EYS: variants seen among roughly 807,000 people sequenced by gnomAD.
EYS encodes EGF-like photoreceptor maintenance factor, also known as protein eyes shut homolog.
EYS carries 250 observed loss-of-function variants against 282.1 expected under a neutral mutation model. The ratio of observed to expected loss-of-function variants is 0.89; its 90% CI spans 0.80 to 0.98. The LOEUF (loss-of-function observed/expected upper bound fraction) is 0.98. Among genes scored for constraint, EYS ranks in the 50% least tolerant of loss-of-function variants. The pLI is 0.00. For missense variants in EYS, 4,016 were observed against 3,709.0 expected, an observed-to-expected ratio of 1.08 and a Z score of -2.15; for synonymous variants, 1,355 against 1,282.9, an observed-to-expected ratio of 1.06 and a Z score of -1.20.
At chr6:64,647,680 A>G (rs1768404352) in intron 22 of EYS, among the ~76,000 whole-genome samples, 1 of 152,208 alleles carries the variant, frequency 6.6e-6, no homozygotes, top group Admixed American at 6.5e-5. Flanking sequence ...TCAGAAAATT[A>G]CATGATAAAT....
At chr6:65,382,825 G>A (rs1030163268) in intron 8 of EYS, among the ~76,000 whole-genome samples, 1 of 151,834 alleles carries the variant, frequency 6.6e-6, no homozygotes, top group Non-Finnish European at 1.5e-5. Context: ...TGATTAGATG[G>A]TGCCCACCTA....
intron 12 of EYS, among the ~76,000 whole-genome samples, chr6:65,248,561 C>G (rs542860106): frequency 6.6e-6 from 1 of 151,980 alleles, no homozygotes; most frequent in South Asian, 2.1e-4. Context: ...TCTGGTTACC[C>G]TATGTAGCAA....
chr6:63,863,618 C>T (rs928011573), intron 36 of EYS, among the ~76,000 whole-genome samples: 1 of 150,842 alleles, frequency 6.6e-6, no homozygotes, highest in East Asian at 1.9e-4. Flanking sequence ...ACTCTAACCT[C>T]AGGGAAAACT....
At chr6:64,319,633 G>A (rs1770127878) in intron 29 of EYS, among the ~76,000 whole-genome samples, 1 of 151,852 alleles carries the variant, frequency 6.6e-6, no homozygotes, top group South Asian at 2.1e-4. Context: ...CTGAAGATAT[G>A]TGTGTGCATG....
intron 28 of EYS, among the ~76,000 whole-genome samples, chr6:64,413,661 G>GA (rs1773978293): frequency 6.6e-6 from 1 of 151,800 alleles, no homozygotes; most frequent in Non-Finnish European, 1.5e-5. Context: ...TAAAAATATA[G>GA]AAAATCAATG....
rs1423703528 is a variant in EYS at position 65,416,592 on chromosome 6, AT to A, written c.863-11226del. Reference sequence around the variant, plus strand: ...ACAATGTGCATATATCCATAAAAAAATCACAATGAATAAAAGATTATTTTAG... The same window carrying A: ...ACAATGTGCATATATCCATAAAAAAACACAATGAATAAAAGATTATTTTAG... On this transcript the variant is annotated intron_variant, in intron 5 of 42. Coordinates refer to ENST00000503581, the MANE Select transcript of EYS (RefSeq NM_001142800.2). Among the ~76,000 whole-genome samples the A allele has an allele frequency of 5.3e-5, 8 of 152,176 alleles. 1 individual carries two copies. In the South Asian group the frequency reaches 8.3e-4, roughly 16 times the overall value.
At chr6:65,054,851 G>C (rs1236598049) in intron 13 of EYS, among the ~76,000 whole-genome samples, 1 of 151,962 alleles carries the variant, frequency 6.6e-6, no homozygotes, top group Non-Finnish European at 1.5e-5. Flanking sequence ...AAAATATTTA[G>C]TATTTAGTAT....
At chr6:65,317,730 G>A (rs1168696549) in intron 11 of EYS, among the ~76,000 whole-genome samples, 2 of 151,938 alleles carry the variant, frequency 1.3e-5, no homozygotes, top group South Asian at 2.1e-4. Flanking sequence ...CTTGGATACC[G>A]ACAGAGCTCA....
At chr6:64,817,615 T>A (rs1250626227) in intron 21 of EYS, among the ~76,000 whole-genome samples, 1 of 152,106 alleles carries the variant, frequency 6.6e-6, no homozygotes, top group African/African-American at 2.4e-5. Context: ...CCCTCCACCC[T>A]CTTCTAGTCC....
chr6:64,556,348 G>A (rs755330113), intron 26 of EYS, among the ~76,000 whole-genome samples: 3 of 151,936 alleles, frequency 2.0e-5, no homozygotes, highest in Non-Finnish European at 4.4e-5. Flanking sequence ...ATTCTCAGAA[G>A]CAATGTGGTA....
chr6:63,851,574 T>G (rs1303232789), intron 36 of EYS, among the ~76,000 whole-genome samples: 1 of 152,134 alleles, frequency 6.6e-6, no homozygotes, highest in Non-Finnish European at 1.5e-5. Flanking sequence ...GAATGACTAC[T>G]GGGTAAATAA....
intron 1 of EYS, among the ~76,000 whole-genome samples, chr6:65,653,929 C>G (rs1172855280): frequency 6.6e-6 from 1 of 151,938 alleles, no homozygotes; most frequent in African/African-American, 2.4e-5. Flanking sequence ...CTTCTGCCCT[C>G]ACTTTTTAGG....
chr6:65,181,307 A>G (rs1387307482), intron 12 of EYS, among the ~76,000 whole-genome samples: 3 of 152,162 alleles, frequency 2.0e-5, no homozygotes, highest in African/African-American at 7.2e-5. Flanking sequence ...CAATCTACTC[A>G]TCTGACAAAG....
At chr6:64,395,143 A>T (rs1476089942) in intron 28 of EYS, among the ~76,000 whole-genome samples, 6 of 152,062 alleles carry the variant, frequency 3.9e-5, no homozygotes, top group Non-Finnish European at 8.8e-5. Flanking sequence ...CAGGTGCTGG[A>T]GAGGATGTAG....
chr6:65,530,924 TAAAG>T (rs1354034787), intron 2 of EYS, among the ~76,000 whole-genome samples: 2 of 152,210 alleles, frequency 1.3e-5, no homozygotes, highest in East Asian at 1.9e-4. Flanking sequence ...TCTAGAAAAA[TAAAG>T]AATCTAAATT....
chr6:64,697,289 T>TA (rs1340105411), intron 22 of EYS, among the ~76,000 whole-genome samples: 2 of 151,394 alleles, frequency 1.3e-5, no homozygotes, highest in Middle Eastern at 3.4e-3. Context: ...TCAAAAACAG[T>TA]AAAAAAAGAC....
intron 14 of EYS, among the ~76,000 whole-genome samples, chr6:64,948,118 T>C (rs549779711): frequency 7.2e-5 from 11 of 151,808 alleles, no homozygotes; most frequent in African/African-American, 2.7e-4. Context: ...TCAGGTACTA[T>C]AGCAGTGAAT....
At chr6:64,267,231 A>G (rs1298372339) in intron 30 of EYS, among the ~76,000 whole-genome samples, 2 of 152,134 alleles carry the variant, frequency 1.3e-5, no homozygotes, top group Non-Finnish European at 2.9e-5. Flanking sequence ...CAATGCTCAA[A>G]GAGATCTGAG....
At chr6:63,772,132 G>T (rs1051225803) in intron 40 of EYS, among the ~76,000 whole-genome samples, 1 of 149,236 alleles carries the variant, frequency 6.7e-6, no homozygotes. Context: ...CTTTTTAGCA[G>T]ATATAGCTGG....
Sources: gnomAD v4.1 joint callset for allele counts (sites outside exome capture counted in the v4.1 genomes callset) on GRCh38, gnomAD v4.1.1 for gene constraint, MANE v1.5 for transcripts, NCBI Gene and HGNC (gene_info 2026-07-23, HGNC 2026-07-21) for gene names.